Variants in NAALADL2 observed in about 807,000 individuals in gnomAD.
NAALADL2 encodes N-acetylated alpha-linked acidic dipeptidase like 2.
NAALADL2 carries 76 observed loss-of-function variants against 87.2 expected under a neutral mutation model. The observed-to-expected ratio is 0.87, with a 90% CI of 0.72 to 1.05. The LOEUF (loss-of-function observed/expected upper bound fraction) is 1.05. Ranked by LOEUF, NAALADL2 falls within the 50% of genes least tolerant of loss-of-function variation. The pLI is 0.00. For missense variants in NAALADL2, 1,089 were observed against 945.8 expected (o/e 1.15, Z -1.99); for synonymous variants, 354 against 331.0 (o/e 1.07, Z -0.75).
intron 9 of NAALADL2, among the ~76,000 whole-genome samples, chr3:175,568,840 G>C (rs1177584422): frequency 6.6e-6 from 1 of 152,212 alleles, no homozygotes; most frequent in East Asian, 1.9e-4. Flanking sequence ...ACAAAAGTCA[G>C]CAAAGTGTCT....
chr3:175,123,290 C>T (rs980784804), intron 2 of NAALADL2, among the ~76,000 whole-genome samples: 1 of 151,896 alleles, frequency 6.6e-6, no homozygotes, highest in Admixed American at 6.6e-5. Flanking sequence ...GACTTTTGAA[C>T]TAAGCAATGA....
chr3:174,474,290 T>G (rs1717086459), intron 1 of NAALADL2, among the ~76,000 whole-genome samples: 1 of 152,188 alleles, frequency 6.6e-6, no homozygotes. Flanking sequence ...ATGAACAAAG[T>G]TGAAATTAAG....
chr3:174,453,116 C>T (rs1715593724), intron 1 of NAALADL2, among the ~76,000 whole-genome samples: 1 of 152,074 alleles, frequency 6.6e-6, no homozygotes, highest in Non-Finnish European at 1.5e-5. Context: ...CTGAAAAACA[C>T]ACTATAAGAA....
intron 5 of NAALADL2, among the ~76,000 whole-genome samples, chr3:175,328,688 G>A (rs1242506840): frequency 6.6e-6 from 1 of 152,080 alleles, no homozygotes; most frequent in African/African-American, 2.4e-5. Flanking sequence ...TTTAGCCAAA[G>A]ACTGAGGTAA....
chr3:174,715,723 G>A (rs1238356466), intron 2 of NAALADL2, among the ~76,000 whole-genome samples: 3 of 152,148 alleles, frequency 2.0e-5, no homozygotes, highest in African/African-American at 7.2e-5. Context: ...CTTTAAGGAT[G>A]AATGTGTTAG....
At chr3:174,988,487 A>G (rs773679228) in intron 1 of NAALADL2, among the ~76,000 whole-genome samples, 4 of 152,218 alleles carry the variant, frequency 2.6e-5, no homozygotes, top group Non-Finnish European at 5.9e-5. Flanking sequence ...CAGCCAATGT[A>G]TTAGTTTTCT....
chr3:174,948,243 C>T (rs1739767780), intron 1 of NAALADL2, among the ~76,000 whole-genome samples: 1 of 152,054 alleles, frequency 6.6e-6, no homozygotes, highest in African/African-American at 2.4e-5. Flanking sequence ...TTGGCTTGAT[C>T]TCCGCTCACT....
chr3:175,373,957 G>C (rs1187458244), intron 5 of NAALADL2, among the ~76,000 whole-genome samples: 1 of 151,968 alleles, frequency 6.6e-6, no homozygotes, highest in Non-Finnish European at 1.5e-5. Flanking sequence ...ATCTTTTTAT[G>C]GAAGAATCTG....
At chr3:175,587,612 A>C (rs1720719618) in intron 10 of NAALADL2, among the ~76,000 whole-genome samples, 1 of 152,136 alleles carries the variant, frequency 6.6e-6, no homozygotes, top group South Asian at 2.1e-4. Context: ...AAACCTATTT[A>C]ACATGATTGG....
intron 3 of NAALADL2, among the ~76,000 whole-genome samples, chr3:174,788,907 A>G (rs1181704889): frequency 6.6e-6 from 1 of 152,176 alleles, no homozygotes; most frequent in Non-Finnish European, 1.5e-5. Flanking sequence ...CAAATTAAAT[A>G]CAATAATCAT....
At chr3:174,935,956 TC>T (rs1210855690) in intron 1 of NAALADL2, among the ~76,000 whole-genome samples, 1 of 152,144 alleles carries the variant, frequency 6.6e-6, no homozygotes, top group Non-Finnish European at 1.5e-5. Context: ...ATATTTCTTT[TC>T]CCATAATGAT....
chr3:175,279,833 A>G (rs1479454387), intron 4 of NAALADL2, among the ~76,000 whole-genome samples: 1 of 151,254 alleles, frequency 6.6e-6, no homozygotes, highest in Non-Finnish European at 1.5e-5. Context: ...TTATTAATAA[A>G]GATGTAAACT....
intron 2 of NAALADL2, among the ~76,000 whole-genome samples, chr3:175,136,629 G>GT (rs11432808): frequency 0.83 from 126,083 of 151,314 alleles, 52,718 homozygotes; most frequent in South Asian, 0.9. Context: ...TCAAAATCCA[G>GT]TTTTTTTTTC....
intron 10 of NAALADL2, among the ~76,000 whole-genome samples, chr3:175,612,771 C>T (rs564923456): frequency 6.6e-6 from 1 of 152,266 alleles, no homozygotes; most frequent in Admixed American, 6.5e-5. Context: ...GTTTGGATTT[C>T]TTATGATTGA....
At chr3:175,172,054 A>G (rs1355600777) in intron 2 of NAALADL2, among the ~76,000 whole-genome samples, 1 of 152,100 alleles carries the variant, frequency 6.6e-6, no homozygotes, top group Non-Finnish European at 1.5e-5. Context: ...TAGCTAGAAG[A>G]GAGGACTTGA....
At chr3:175,268,197 C>G (rs772512189) in intron 4 of NAALADL2, among the ~76,000 whole-genome samples, 6 of 152,070 alleles carry the variant, frequency 3.9e-5, no homozygotes, top group Non-Finnish European at 7.4e-5. Flanking sequence ...CGTATCTAGT[C>G]TATAAGGTAT....
At chr3:175,004,692 C>T (rs1369192242) in intron 1 of NAALADL2, among the ~76,000 whole-genome samples, 1 of 152,078 alleles carries the variant, frequency 6.6e-6, no homozygotes, top group African/African-American at 2.4e-5. Flanking sequence ...GATAGTGACA[C>T]TTTTGATTTC....
At chr3:174,744,550 A>G (rs1165731241) in intron 3 of NAALADL2, among the ~76,000 whole-genome samples, 1 of 152,056 alleles carries the variant, frequency 6.6e-6, no homozygotes, top group Non-Finnish European at 1.5e-5. Flanking sequence ...TGAGACAGAA[A>G]ATTAACAAGG....
intron 2 of NAALADL2, among the ~76,000 whole-genome samples, chr3:174,722,268 T>C (rs1395236871): frequency 1.3e-5 from 2 of 152,232 alleles, no homozygotes; most frequent in African/African-American, 4.8e-5. Flanking sequence ...GTTTACGGAA[T>C]CCTTTTCATT....
Sources: gnomAD v4.1 joint callset for allele counts (sites outside exome capture counted in the v4.1 genomes callset) on GRCh38, gnomAD v4.1.1 for gene constraint, MANE v1.5 for transcripts, NCBI Gene and HGNC (gene_info 2026-07-23, HGNC 2026-07-21) for gene names.